SIPA1L1: variants seen among roughly 807,000 people sequenced by gnomAD.
The protein encoded by SIPA1L1 is signal induced proliferation associated 1 like 1.
SIPA1L1 carries 26 observed loss-of-function variants against 162.7 expected under a neutral mutation model. The observed-to-expected ratio is 0.16, with a 90% confidence interval of 0.12 to 0.22. The LOEUF (loss-of-function observed/expected upper bound fraction) is 0.22. SIPA1L1 is among the 10% of genes least tolerant of loss of function. The pLI, the probability that SIPA1L1 is intolerant of heterozygous loss-of-function variation, is 1.00. For synonymous variants in SIPA1L1, 829 were observed against 837.4 expected (o/e 0.99, Z 0.17); for missense variants, 1,874 against 2,241.0 (o/e 0.84, Z 3.31).
chr14:71,384,230 T>G (rs149279905), intron 2 of SIPA1L1, among the ~76,000 whole-genome samples: 3 of 152,354 alleles, frequency 2.0e-5, no homozygotes, highest in African/African-American at 7.2e-5. Flanking sequence ...TCATGCTGAC[T>G]TTTTTCTTTG....
At chr14:71,331,175 G>A (rs892058639) in intron 2 of SIPA1L1, among the ~76,000 whole-genome samples, 7 of 152,132 alleles carry the variant, frequency 4.6e-5, no homozygotes, top group African/African-American at 1.7e-4. Flanking sequence ...CTTATTGAGT[G>A]GTCTTGGCAC....
intron 4 of SIPA1L1, chr14:71,575,082 A>G (rs1244388161): frequency 6.6e-6 from 1 of 152,202 alleles, no homozygotes; most frequent in South Asian, 2.1e-4. Context: ...AGGATTCAAA[A>G]TGTTTCCAAT....
intron 2 of SIPA1L1, among the ~76,000 whole-genome samples, chr14:71,511,369 C>T (rs904781994): frequency 6.6e-6 from 1 of 152,094 alleles, no homozygotes; most frequent in Non-Finnish European, 1.5e-5. Flanking sequence ...ACTGCTGCCT[C>T]TACCTTCTGG....
intron 2 of SIPA1L1, among the ~76,000 whole-genome samples, chr14:71,339,428 T>C (rs1423452882): frequency 6.6e-6 from 1 of 151,776 alleles, no homozygotes; most frequent in Non-Finnish European, 1.5e-5. Flanking sequence ...AGTGGCATGA[T>C]CTCGGCTCAC....
At chr14:71,394,299 A>G (rs868316354) in intron 2 of SIPA1L1, among the ~76,000 whole-genome samples, 2 of 152,356 alleles carry the variant, frequency 1.3e-5, no homozygotes, top group Middle Eastern at 3.4e-3. Flanking sequence ...CCAATTAATT[A>G]TACAGCATTA....
intron 19 of SIPA1L1, among the ~76,000 whole-genome samples, chr14:71,726,786 C>CTGA (rs2084280114): frequency 6.6e-6 from 1 of 152,146 alleles, no homozygotes; most frequent in East Asian, 1.9e-4. Context: ...CAGATGAGTT[C>CTGA]AGCTTAGTAG....
At chr14:71,592,703 T>G (rs761507704) in intron 5 of SIPA1L1, among the ~76,000 whole-genome samples, 8 of 152,248 alleles carry the variant, frequency 5.3e-5, no homozygotes, top group Non-Finnish European at 7.3e-5. Context: ...AAAAATCATA[T>G]TTGGCTGATG....
intron 5 of SIPA1L1, among the ~76,000 whole-genome samples, chr14:71,611,407 AATGTT>A (rs1170216811): frequency 8.1e-5 from 12 of 148,958 alleles, no homozygotes; most frequent in Non-Finnish European, 1.0e-4. Context: ...AATTTAATTT[AATGTT>A]ATGTTATGTT....
At chr14:71,732,828 T>C (rs2084924392) in intron 20 of SIPA1L1, among the ~76,000 whole-genome samples, 1 of 152,104 alleles carries the variant, frequency 6.6e-6, no homozygotes, top group Non-Finnish European at 1.5e-5. Context: ...CTTGGACACC[T>C]TTGACCATGG....
At position 71,563,540 on chromosome 14, in the gene SIPA1L1, T is replaced by C. The variant is rs974635413; in HGVS notation, c.-302-24031T>C. ...GCCTTTTGATTTATTGGACATGACA[T>C]TTCCTTTTATATCTTCAAATGATTT... On this transcript the variant is annotated intron_variant, in intron 4 of 23. Transcript: ENST00000381232. Among the ~76,000 whole-genome samples, 7 of 152,350 alleles carry C rather than the reference T, an allele frequency of 4.6e-5. No individual in the cohort carries two copies. In the East Asian group the frequency reaches 7.7e-4, roughly 17 times the overall value.
chr14:71,729,421 G>T (rs1383435866), intron 19 of SIPA1L1, among the ~76,000 whole-genome samples: 1 of 152,146 alleles, frequency 6.6e-6, no homozygotes, highest in Non-Finnish European at 1.5e-5. Context: ...ACCTCGATAG[G>T]TTCAGTTGGT....
At position 71,345,604 on chromosome 14, in the gene SIPA1L1, C is replaced by G. The variant is rs184362327; in HGVS notation, c.-465+24423C>G. Among the ~76,000 whole-genome samples the G allele has an allele frequency of 4.4e-3, 651 of 146,390 alleles. 21 individuals are homozygous for G. The highest frequency in any genetic ancestry group is 0.04 in the East Asian group (203 of 5,060). ...TTTTTTTTTTTTTGAGATGGAGTCT[C>G]GCTCTGTCGCCCAGGCTGGAGTGCA... On this transcript the variant is annotated intron_variant, in intron 2 of 23. Transcript: ENST00000381232.
At chr14:71,688,638 C>G (rs1022626326) in intron 13 of SIPA1L1, among the ~76,000 whole-genome samples, 2 of 152,130 alleles carry the variant, frequency 1.3e-5, no homozygotes, top group African/African-American at 4.8e-5. Context: ...GTGAGGAGTA[C>G]CGGGGCACCC....
At position 71,589,200 on chromosome 14, in the gene SIPA1L1, A is replaced by C. The variant is rs143753238; in HGVS notation, c.1328A>C (p.Glu443Ala). 6.2e-7 allele frequency: 1 copy of C among 1,614,112 alleles called. No individual in the cohort carries two copies. Among genetic ancestry groups the C allele is most frequent in the Non-Finnish European group, 8.5e-7 (1 of 1,179,966 alleles). ...KSNSGSFSGC[E>A]SASFESTLSS... ...AATTCTGGCTCCTTTAGTGGATGTGAAAGTGCCTCCTTTGAGTCTACCCTT... is the reference window on the plus strand; with the variant it reads ...AATTCTGGCTCCTTTAGTGGATGTGCAAGTGCCTCCTTTGAGTCTACCCTT... The change falls in exon 5 of 24, where the codon GAA becomes GCA. Residue 443 changes from glutamate (E) to alanine (A), a missense_variant. By Grantham distance (107) the Glu-to-Ala change is moderately radical. This residue lies in a region of SIPA1L1 where 685 missense variants were observed against 828.0 expected (regional missense o/e 0.83). Transcript: ENST00000381232.
At chr14:71,591,759 T>C (rs755583467) in intron 5 of SIPA1L1, among the ~76,000 whole-genome samples, 2 of 152,224 alleles carry the variant, frequency 1.3e-5, no homozygotes, top group African/African-American at 2.4e-5. Flanking sequence ...GTTAATAGGC[T>C]AAACCATAAG....
At chr14:71,525,760 C>G (rs893364895) in intron 3 of SIPA1L1, among the ~76,000 whole-genome samples, 8 of 152,112 alleles carry the variant, frequency 5.3e-5, no homozygotes, top group Non-Finnish European at 7.4e-5. Context: ...TTTAAATTGT[C>G]GTTATTTTTA....
At chr14:71,504,712 C>T (rs1339015683) in intron 2 of SIPA1L1, among the ~76,000 whole-genome samples, 3 of 152,204 alleles carry the variant, frequency 2.0e-5, no homozygotes, top group Non-Finnish European at 2.9e-5. Flanking sequence ...GTACTGATTT[C>T]AGTGATGTTG....
Position 71,580,385 on chromosome 14 carries a change from G to C in SIPA1L1, c.-302-7186G>C, listed in dbSNP as rs372180107. On this transcript the variant is annotated intron_variant, in intron 4 of 23. Transcript: ENST00000381232. ...AACTAATGATGGCAACCTGTGCTCT[G>C]CGTAGGTACCCTCATCTGATTTTCC... 2.6e-5 allele frequency among the ~76,000 whole-genome samples: 4 copies of C among 152,278 alleles called. No homozygotes were observed. The South Asian group carries it at 8.3e-4, about 32-fold the overall frequency.
chr14:71,551,892 T>C (rs2055872452), intron 4 of SIPA1L1, among the ~76,000 whole-genome samples: 1 of 152,236 alleles, frequency 6.6e-6, no homozygotes, highest in Admixed American at 6.5e-5. Flanking sequence ...AGTCATCTTA[T>C]CTTAAATGAC....
Sources: gnomAD v4.1 joint callset for allele counts (sites outside exome capture counted in the v4.1 genomes callset) on GRCh38, gnomAD v4.1.1 for gene constraint, gnomAD v4.1.1 regional missense constraint, MANE v1.5 for transcripts, NCBI Gene and HGNC (gene_info 2026-07-23, HGNC 2026-07-21) for gene names.